PLXNA4: variants seen among roughly 807,000 people sequenced by gnomAD.
PLXNA4 encodes plexin A4.
In PLXNA4, 44 loss-of-function variants were observed where a neutral mutation model predicts 191.8. That is an observed-to-expected ratio of 0.23 (90% CI 0.18 to 0.29). The LOEUF (loss-of-function observed/expected upper bound fraction) is 0.29, where lower values mean the gene tolerates loss of function less well. PLXNA4 is among the 10% of genes least tolerant of loss of function. PLXNA4 has a pLI of 1.00. For synonymous variants in PLXNA4, 1,082 were observed against 1,009.5 expected (o/e 1.07, Z -1.36); for missense variants, 1,800 against 2,488.8 (o/e 0.72, Z 5.89).
In PLXNA4 at chr7:132,252,920, T is replaced by C. The variant is rs1200547679; in HGVS notation, c.1504-11754A>G. Among the ~76,000 whole-genome samples the C allele has an allele frequency of 2.0e-5, 3 of 152,326 alleles. No homozygotes were observed. The East Asian group carries it at 5.8e-4, about 29-fold the overall frequency. On this transcript the variant is annotated intron_variant, in intron 4 of 31. Coordinates refer to ENST00000321063, the MANE Select transcript of PLXNA4 (RefSeq NM_020911.2). ...AAGATGGATGAATGTCTATGATTCATATTTGAGTTAAAAAAACAAATTTTA... is the reference window on the plus strand; with the variant it reads ...AAGATGGATGAATGTCTATGATTCACATTTGAGTTAAAAAAACAAATTTTA...
At chr7:132,644,667 T>G (rs776039871) in intron 2 of PLXNA4, among the ~76,000 whole-genome samples, 9 of 152,218 alleles carry the variant, frequency 5.9e-5, no homozygotes, top group Non-Finnish European at 4.4e-5. Flanking sequence ...GCCACTGTAA[T>G]TCCTTCGTGA....
At chr7:132,192,738 T>C (rs1797132385) in intron 14 of PLXNA4, among the ~76,000 whole-genome samples, 3 of 152,158 alleles carry the variant, frequency 2.0e-5, no homozygotes. Flanking sequence ...AGAGGTTTAG[T>C]TTTTAAAATG....
At chr7:132,181,723 G>A (rs2116743722) in intron 17 of PLXNA4, 103 bp from the exon 18 acceptor site, 1 of 1,500,402 alleles carries the variant, frequency 6.7e-7, no homozygotes, top group Non-Finnish European at 8.9e-7. Context: ...ATAGCAAGGG[G>A]TTGACAAGAG....
chr7:132,406,071 T>C (rs1284850556), intron 3 of PLXNA4, among the ~76,000 whole-genome samples: 1 of 152,194 alleles, frequency 6.6e-6, no homozygotes, highest in Non-Finnish European at 1.5e-5. Flanking sequence ...AAATCCCATT[T>C]TGCAAAGGGA....
chr7:132,465,173 AT>A (rs1038909307), intron 3 of PLXNA4, among the ~76,000 whole-genome samples: 60 of 151,248 alleles, frequency 4.0e-4, no homozygotes, highest in African/African-American at 1.4e-3. Flanking sequence ...TGATTTCACG[AT>A]TCAGTCTAGA....
intron 4 of PLXNA4, among the ~76,000 whole-genome samples, chr7:132,265,845 G>A (rs1799831921): frequency 6.6e-6 from 1 of 152,210 alleles, no homozygotes; most frequent in Non-Finnish European, 1.5e-5. Context: ...GGGTCCCAAA[G>A]GGCTTGGGGA....
intron 29 of PLXNA4, among the ~76,000 whole-genome samples, chr7:132,143,784 G>A (rs1584758651): frequency 6.6e-6 from 1 of 152,204 alleles, no homozygotes; most frequent in Non-Finnish European, 1.5e-5. Flanking sequence ...GCTACACTGA[G>A]TGAGCAATCT....
At chr7:132,223,087 T>C (rs1182511526) in intron 9 of PLXNA4, among the ~76,000 whole-genome samples, 3 of 152,204 alleles carry the variant, frequency 2.0e-5, no homozygotes, top group Non-Finnish European at 4.4e-5. Context: ...CATTCTTTCA[T>C]TCTCATCTCT....
At chr7:132,646,892 C>T (rs1348270288) in intron 1 of PLXNA4, among the ~76,000 whole-genome samples, 2 of 152,246 alleles carry the variant, frequency 1.3e-5, no homozygotes, top group East Asian at 1.9e-4. Flanking sequence ...CATATACACA[C>T]ACATGCATTC....
At chr7:132,198,165 T>C (rs1033361191) in intron 13 of PLXNA4, among the ~76,000 whole-genome samples, 4 of 152,120 alleles carry the variant, frequency 2.6e-5, no homozygotes, top group African/African-American at 9.7e-5. Flanking sequence ...GCAGAAGGAA[T>C]TGGATTTACA....
At chr7:132,173,490 G>T (rs183681027) in intron 21 of PLXNA4, among the ~76,000 whole-genome samples, 4 of 152,306 alleles carry the variant, frequency 2.6e-5, no homozygotes, top group East Asian at 1.9e-4. Context: ...GTATCTCTTA[G>T]CTGAGGAGCC....
In PLXNA4 at chr7:132,202,716, G is replaced by A; in HGVS notation, c.2516C>T (p.Pro839Leu). The change falls in exon 12 of 32, where the codon CCT becomes CTT. Residue 839 changes from proline to leucine, a missense_variant. Around this residue, in one of 6 missense-constraint regions of PLXNA4, gnomAD observed 1,397 missense variants for 1,880.4 expected, o/e 0.74. Transcript: ENST00000321063. Reference sequence around the variant, plus strand: ...CTCCAGCCACTGGCTCTCCTGGGCAGGGCAGTGCTGGCGCAGGGTGCACTG... The same window carrying A: ...CTCCAGCCACTGGCTCTCCTGGGCAAGGCAGTGCTGGCGCAGGGTGCACTG... ...PGQCTLRQHC[P>L]AQESQWLELS... is the part of the protein sequence containing the mutation. 6.2e-7 allele frequency: 1 copy of A among 1,606,510 alleles called. No homozygotes were observed. Among genetic ancestry groups the A allele is most frequent in the African/African-American group, 1.3e-5 (1 of 74,842 alleles).
intron 3 of PLXNA4, among the ~76,000 whole-genome samples, chr7:132,482,695 CTT>C (rs11448338): frequency 2.8e-5 from 4 of 141,216 alleles, no homozygotes; most frequent in Non-Finnish European, 4.6e-5. Flanking sequence ...CTTCGAGAAA[CTT>C]TTTTTTTTTT....
intron 1 of PLXNA4, among the ~76,000 whole-genome samples, chr7:132,563,859 CCT>C: frequency 8.2e-6 from 1 of 121,332 alleles, no homozygotes; most frequent in Admixed American, 8.1e-5. Context: ...TGCTCCTCCT[CCT>C]CCTCTCCTCT....
chr7:132,384,315 C>A, intron 3 of PLXNA4: 2 of 985,456 alleles, frequency 2.0e-6, no homozygotes, highest in Non-Finnish European at 2.4e-6. Context: ...TACATCTTGC[C>A]TTCATACACT....
intron 9 of PLXNA4, among the ~76,000 whole-genome samples, chr7:132,212,045 C>A (rs1797819450): frequency 6.6e-6 from 1 of 152,154 alleles, no homozygotes; most frequent in South Asian, 2.1e-4. Flanking sequence ...TGGATGTGGG[C>A]AGGCGTGAAG....
chr7:132,430,813 A>G (rs1795230698), intron 3 of PLXNA4, among the ~76,000 whole-genome samples: 1 of 152,230 alleles, frequency 6.6e-6, no homozygotes, highest in African/African-American at 2.4e-5. Context: ...AGATTAGGAA[A>G]GTGAACATGG....
chr7:132,577,715 C>G (rs1802315695), upstream of PLXNA4, among the ~76,000 whole-genome samples: 1 of 152,178 alleles, frequency 6.6e-6, no homozygotes, highest in Non-Finnish European at 1.5e-5. Flanking sequence ...GGCGCGCGCT[C>G]AGAGGGAGGC....
intron 9 of PLXNA4, among the ~76,000 whole-genome samples, chr7:132,221,146 C>T (rs566071739): frequency 1.7e-3 from 264 of 152,192 alleles, no homozygotes; most frequent in Non-Finnish European, 3.0e-3. Flanking sequence ...TTATTTTATT[C>T]CCTTCTGGTT....
Sources: allele counts gnomAD v4.1 joint callset (sites outside exome capture counted in the v4.1 genomes callset), GRCh38; gene constraint gnomAD v4.1.1; regional missense constraint gnomAD v4.1.1; transcripts MANE v1.5; gene names NCBI Gene and HGNC (gene_info 2026-07-23, HGNC 2026-07-21).